MYT1L: variants seen among roughly 807,000 people sequenced by gnomAD.
MYT1L encodes myelin transcription factor 1-like protein.
A neutral mutation model predicts 126.7 loss-of-function variants in MYT1L; 12 were observed. The observed-to-expected ratio is 0.09, with a 90% CI of 0.06 to 0.15. MYT1L has a LOEUF of 0.15. Ranked by LOEUF, MYT1L falls within the 10% of genes least tolerant of loss-of-function variation. The probability of loss-of-function intolerance (pLI) is 1.00; values close to 1 mark genes in which losing one functional copy is unlikely to be tolerated. For synonymous variants in MYT1L, 541 were observed against 604.2 expected (o/e 0.90, Z 1.53); for missense variants, 979 against 1,585.2 (o/e 0.62, Z 6.49).
intron 1 of MYT1L, among the ~76,000 whole-genome samples, chr2:2,310,357 C>T (rs964417482): frequency 6.6e-6 from 1 of 152,146 alleles, no homozygotes; most frequent in Non-Finnish European, 1.5e-5. Flanking sequence ...TCCACTTACA[C>T]TTCAGTATAC....
At chr2:2,047,526 A>G (rs927447579) in intron 4 of MYT1L, among the ~76,000 whole-genome samples, 3 of 152,244 alleles carry the variant, frequency 2.0e-5, no homozygotes, top group African/African-American at 7.2e-5. Flanking sequence ...ATGTATTACT[A>G]AACATTAATA....
At chr2:1,859,086 G>GCT (rs1367164472) in intron 18 of MYT1L, among the ~76,000 whole-genome samples, 1 of 152,196 alleles carries the variant, frequency 6.6e-6, no homozygotes, top group East Asian at 1.9e-4. Flanking sequence ...CTCCCGGGAG[G>GCT]CTTTGTCCCT....
At chr2:1,792,897 A>G (rs1418805211) in intron 23 of MYT1L, among the ~76,000 whole-genome samples, 3 of 149,820 alleles carry the variant, frequency 2.0e-5, no homozygotes, top group East Asian at 2.0e-4. Context: ...AAGGAAAAGA[A>G]AAAGGCTTCC....
chr2:2,289,056 GT>G (rs1396926992), intron 1 of MYT1L, among the ~76,000 whole-genome samples: 1 of 152,174 alleles, frequency 6.6e-6, no homozygotes. Flanking sequence ...TCAGAGGTAG[GT>G]CAAGATTCCT....
In MYT1L at chr2:1,791,906, C is replaced by G; in HGVS notation, c.3522G>C (p.Leu1174=). The change falls in exon 25 of 25, where the codon CTG becomes CTC. Residue 1174 remains leucine, a synonymous_variant. Transcript: ENST00000647738. The surrounding 1 kb of genome is among the most constrained non-coding windows in gnomAD (Gnocchi z 6.0). The part of the protein sequence containing the change: ...RYQSPENKAL[L]ENIKQAVRGI... ...CTCTCACAGCCTGCTTTATATTTTC[C>G]AGTAGGGCTTTATTTTCTGGACTCT... 6.2e-7 allele frequency: 1 copy of G among 1,610,830 alleles called. No individual in the cohort carries two copies. The highest frequency in any genetic ancestry group is 1.1e-5 in the South Asian group (1 of 90,156).
chr2:1,853,233 T>C (rs1443660153), intron 18 of MYT1L, among the ~76,000 whole-genome samples: 2 of 152,164 alleles, frequency 1.3e-5, no homozygotes, highest in Non-Finnish European at 2.9e-5. Context: ...AAAGGGTTCT[T>C]CTGTGTGCTC....
intron 3 of MYT1L, among the ~76,000 whole-genome samples, chr2:2,161,708 C>T (rs958377608): frequency 4.6e-5 from 7 of 152,156 alleles, no homozygotes; most frequent in Admixed American, 1.3e-4. Context: ...GTGCTGGGGA[C>T]GCCAGCTCCC....
At chr2:2,090,025 G>A (rs996852453) in intron 3 of MYT1L, among the ~76,000 whole-genome samples, 2 of 152,142 alleles carry the variant, frequency 1.3e-5, no homozygotes, top group African/African-American at 4.8e-5. Flanking sequence ...TTGAGTTCAA[G>A]CTTGTCCCCA....
rs150514132 is a variant in MYT1L at position 1,930,170 on chromosome 2, C to T, written c.506-6907G>A. Among the ~76,000 whole-genome samples the T allele has an allele frequency of 2.4e-3, 369 of 152,290 alleles. 1 individual carries two copies. Among genetic ancestry groups the T allele is most frequent in the African/African-American group, 8.3e-3 (345 of 41,554 alleles). ...CACAGAACTACAGCTGGGGATGGAA[C>T]GGAGGGACTGAGTTTTGCACTAAGT... On this transcript the variant is annotated intron_variant, in intron 9 of 24. Transcript: ENST00000647738.
Position 1,951,167 on chromosome 2 carries a change from G to A in MYT1L, c.153-7833C>T, listed in dbSNP as rs76960068. Among the ~76,000 whole-genome samples the A allele has an allele frequency of 3.8e-3, 584 of 152,184 alleles. 7 individuals carry two copies. Among genetic ancestry groups the A allele is most frequent in the African/African-American group, 0.014 (565 of 41,524 alleles). On this transcript the variant is annotated intron_variant, in intron 8 of 24. Transcript: ENST00000647738. ...ATACTTCTCTGTGGTTGCTAAATTT[G>A]AGGTGTCTCAGCTTAGGTGACCTCT...
At chr2:2,001,525 A>G (rs1384694119) in intron 4 of MYT1L, among the ~76,000 whole-genome samples, 1 of 152,240 alleles carries the variant, frequency 6.6e-6, no homozygotes, top group Non-Finnish European at 1.5e-5. Flanking sequence ...ATAAAGGAAG[A>G]AAGAAGTGAG....
intron 3 of MYT1L, among the ~76,000 whole-genome samples, chr2:2,061,922 T>C (rs1248819512): frequency 6.6e-6 from 1 of 152,198 alleles, no homozygotes; most frequent in African/African-American, 2.4e-5. Context: ...CTGTCTTACT[T>C]CCAGCTCCCC....
At chr2:1,851,951 G>T (rs1239548925) in intron 18 of MYT1L, among the ~76,000 whole-genome samples, 1 of 152,028 alleles carries the variant, frequency 6.6e-6, no homozygotes, top group African/African-American at 2.4e-5. Flanking sequence ...CCGCACTTTT[G>T]GTCCCTAGGC....
At chr2:1,805,675 C>T (rs1241598962) in intron 22 of MYT1L, among the ~76,000 whole-genome samples, 1 of 152,174 alleles carries the variant, frequency 6.6e-6, no homozygotes, top group East Asian at 1.9e-4. Context: ...TGCTTGAGCT[C>T]AGGAGTTTGA....
chr2:1,950,406 G>C (rs867802151), intron 8 of MYT1L, among the ~76,000 whole-genome samples: 3 of 152,120 alleles, frequency 2.0e-5, no homozygotes, highest in African/African-American at 7.2e-5. Context: ...GCATGTCACT[G>C]AGCAATACAG....
In MYT1L at chr2:1,910,194, G is replaced by A. The variant is rs758049350; in HGVS notation, c.1817+46C>T. 9.0e-6 allele frequency: 14 copies of A among 1,552,462 alleles called. No individual in the cohort carries two copies. The Admixed American group carries it at 1.2e-4, about 13-fold the overall frequency. On this transcript the variant is annotated intron_variant, in intron 13 of 24. Coordinates refer to ENST00000647738, the MANE Select transcript of MYT1L (RefSeq NM_001303052.2). This position sits in a 1 kb window ranked among gnomAD's most constrained non-coding sequence, Gnocchi z 4.8. ...TGTCCCCAGCGCTCCGAGGTGTGGGGCAGACTATGGATAGAGCTCACGGAT... is the reference window on the plus strand; with the variant it reads ...TGTCCCCAGCGCTCCGAGGTGTGGGACAGACTATGGATAGAGCTCACGGAT...
intron 1 of MYT1L, among the ~76,000 whole-genome samples, chr2:2,301,041 G>C (rs1027175894): frequency 1.4e-4 from 22 of 152,192 alleles, no homozygotes; most frequent in African/African-American, 4.3e-4. Context: ...CGAGTGTTCT[G>C]TAAACCCAGA....
At chr2:2,192,030 C>G (rs149500454) in intron 2 of MYT1L, among the ~76,000 whole-genome samples, 6 of 152,368 alleles carry the variant, frequency 3.9e-5, no homozygotes, top group Non-Finnish European at 8.8e-5. Flanking sequence ...CTACTGGAAC[C>G]TGGCAGAAAT....
chr2:1,885,941 C>A lies in MYT1L; in HGVS notation c.2711+598G>T, dbSNP rs1249470045. 2.0e-5 allele frequency among the ~76,000 whole-genome samples: 3 copies of A among 152,270 alleles called. No individual in the cohort carries two copies. In the East Asian group the frequency reaches 5.8e-4, roughly 29 times the overall value. ...TGCAGTATAAATGTAGGTATTTCAC[C>A]AATTTGCCAGATTTATGCTTAAAAA... On this transcript the variant is annotated intron_variant, in intron 18 of 24. Coordinates refer to ENST00000647738, the MANE Select transcript of MYT1L (RefSeq NM_001303052.2).
Sources: allele counts gnomAD v4.1 joint callset (sites outside exome capture counted in the v4.1 genomes callset), GRCh38; gene constraint gnomAD v4.1.1; non-coding constraint Gnocchi (gnomAD v3.1); transcripts MANE v1.5; gene names NCBI Gene and HGNC (gene_info 2026-07-23, HGNC 2026-07-21).